COLEC10: variants seen among roughly 807,000 people sequenced by gnomAD.
The protein encoded by COLEC10 is collectin subfamily member 10.
COLEC10 carries 22 observed loss-of-function variants against 28.4 expected under a neutral mutation model. That is an observed-to-expected ratio of 0.78 (90% CI 0.55 to 1.11). COLEC10 has a LOEUF of 1.11. Among genes scored for constraint, COLEC10 ranks in the 50% least tolerant of loss-of-function variants. The probability of loss-of-function intolerance (pLI) is 0.00; values close to 1 mark genes in which losing one functional copy is unlikely to be tolerated. For synonymous variants in COLEC10, 125 were observed against 116.1 expected, an observed-to-expected ratio of 1.08 and a Z score of -0.49; for missense variants, 361 against 344.1, an observed-to-expected ratio of 1.05 and a Z score of -0.39.
intron 2 of COLEC10, among the ~76,000 whole-genome samples, chr8:119,057,140 G>A (rs1290467032): frequency 6.6e-6 from 1 of 151,788 alleles, no homozygotes; most frequent in East Asian, 1.9e-4. Flanking sequence ...GGATCATGAG[G>A]GCGGTTTCCT....
At chr8:119,082,311 A>G (rs1815386152) in intron 1 of COLEC10, among the ~76,000 whole-genome samples, 1 of 152,256 alleles carries the variant, frequency 6.6e-6, no homozygotes, top group African/African-American at 2.4e-5. Context: ...TCCATTAATC[A>G]GCCATTATTG....
chr8:118,992,084 T>C (rs146405749), upstream of COLEC10, among the ~76,000 whole-genome samples: 121 of 152,248 alleles, frequency 7.9e-4, 1 homozygote, highest in African/African-American at 2.9e-3. Flanking sequence ...CTTCTCTGAG[T>C]CTCATTTGTA....
At chr8:119,105,688 A>T in intron 5 of COLEC10, 112 bp from the exon 6 acceptor site, 1 of 1,065,700 alleles carries the variant, frequency 9.4e-7, no homozygotes, top group Non-Finnish European at 1.3e-6. Flanking sequence ...GGGCTTTGAA[A>T]AATAATTCTT....
chr8:119,070,480 T>TCTCTCTCTCCCC (rs1815089658), intron 1 of COLEC10, among the ~76,000 whole-genome samples: 1 of 50,694 alleles, frequency 2.0e-5, no homozygotes, highest in African/African-American at 7.5e-5. Context: ...TCTCTCTCCT[T>TCTCTCTCTCCCC]CCCCCTCCTT....
At chr8:119,025,247 T>A (rs1003982279) in intron 2 of COLEC10, among the ~76,000 whole-genome samples, 4 of 152,176 alleles carry the variant, frequency 2.6e-5, no homozygotes, top group Non-Finnish European at 4.4e-5. Context: ...GAGTGGAAAA[T>A]CTGAAATGTT....
At chr8:119,038,976 T>C (rs1235687834) in intron 2 of COLEC10, among the ~76,000 whole-genome samples, 1 of 152,156 alleles carries the variant, frequency 6.6e-6, no homozygotes, top group African/African-American at 2.4e-5. Flanking sequence ...TGACTAAATA[T>C]GTATACTAGT....
intron 1 of COLEC10, among the ~76,000 whole-genome samples, chr8:119,075,661 C>A (rs1815214378): frequency 6.6e-6 from 1 of 152,078 alleles, no homozygotes; most frequent in Non-Finnish European, 1.5e-5. Context: ...TCAACTGACA[C>A]CTATAAGGAT....
the COLEC10 span, among the ~76,000 whole-genome samples, chr8:118,963,982 A>C: frequency 6.6e-6 from 1 of 152,284 alleles, no homozygotes; most frequent in Admixed American, 6.5e-5. Flanking sequence ...GAATGCATAC[A>C]CCAATGTGCA....
At chr8:118,979,348 T>G in the COLEC10 span, among the ~76,000 whole-genome samples, 1 of 152,050 alleles carries the variant, frequency 6.6e-6, no homozygotes, top group Non-Finnish European at 1.5e-5. Context: ...TTATTTTAAC[T>G]TTATTACGTG....
chr8:118,962,469 G>A, the COLEC10 span, among the ~76,000 whole-genome samples: 51,879 of 152,002 alleles, frequency 0.34, 9,073 homozygotes, highest in Middle Eastern at 0.47. Context: ...GATATTCAAT[G>A]AACAATAAAT....
At chr8:119,055,807 C>G (rs978717807) in intron 2 of COLEC10, among the ~76,000 whole-genome samples, 1 of 152,062 alleles carries the variant, frequency 6.6e-6, no homozygotes, top group Non-Finnish European at 1.5e-5. Context: ...TCAGAGTTGA[C>G]ACTTTACCAA....
chr8:119,024,090 C>A (rs1446804501), intron 2 of COLEC10, among the ~76,000 whole-genome samples: 2 of 152,090 alleles, frequency 1.3e-5, no homozygotes, highest in African/African-American at 2.4e-5. Flanking sequence ...GTTTTTCAGT[C>A]TTTCATTCAG....
At chr8:119,098,876 A>G (rs2130298939) in intron 3 of COLEC10, among the ~76,000 whole-genome samples, 1 of 152,068 alleles carries the variant, frequency 6.6e-6, no homozygotes, top group Non-Finnish European at 1.5e-5. Context: ...TTCATTTTTA[A>G]TCTGTACTTT....
chr8:118,993,890 T>C (rs1418954985), upstream of COLEC10, among the ~76,000 whole-genome samples: 1 of 152,138 alleles, frequency 6.6e-6, no homozygotes, highest in African/African-American at 2.4e-5. Flanking sequence ...ACTGGGGCCC[T>C]GGTTAAAGAT....
chr8:119,086,819 G>A (rs572197619), intron 1 of COLEC10, among the ~76,000 whole-genome samples: 17 of 152,304 alleles, frequency 1.1e-4, no homozygotes, highest in Admixed American at 6.5e-4. Context: ...TGAGCAGGAC[G>A]CGCATCATTA....
At chr8:119,103,950 A>G (rs907851491) in intron 5 of COLEC10, 55 bp downstream of exon 5, 10 of 1,121,770 alleles carry the variant, frequency 8.9e-6, no homozygotes, top group Non-Finnish European at 1.4e-5. Flanking sequence ...CATCAACACT[A>G]CAATTCCAGT....
the COLEC10 span, among the ~76,000 whole-genome samples, chr8:118,953,824 T>A: frequency 6.6e-6 from 1 of 152,190 alleles, no homozygotes; most frequent in Admixed American, 6.5e-5. Flanking sequence ...CAACTCCAAT[T>A]TTTCCTAGCT....
At chr8:119,067,044 A>C (rs1814977834), upstream of COLEC10, among the ~76,000 whole-genome samples, 1 of 152,194 alleles carries the variant, frequency 6.6e-6, no homozygotes, top group South Asian at 2.1e-4. Flanking sequence ...ACTGGAGTTC[A>C]GAGATAATTT....
intron 2 of COLEC10, among the ~76,000 whole-genome samples, chr8:119,018,643 A>T (rs1022154182): frequency 6.6e-6 from 1 of 152,200 alleles, no homozygotes; most frequent in Non-Finnish European, 1.5e-5. Context: ...TTTTAGGTTG[A>T]TGTGTAATCA....
Sources: allele counts gnomAD v4.1 joint callset (sites outside exome capture counted in the v4.1 genomes callset), GRCh38; gene constraint gnomAD v4.1.1; transcripts MANE v1.5; gene names NCBI Gene and HGNC (gene_info 2026-07-23, HGNC 2026-07-21).